The following SDK1 variants were observed in gnomAD, a reference collection of about 807,000 sequenced individuals.
SDK1 encodes protein sidekick-1.
In SDK1, 157 loss-of-function variants were observed where a neutral mutation model predicts 245.5. The ratio of observed to expected loss-of-function variants is 0.64; its 90% CI spans 0.56 to 0.73. The LOEUF is 0.73. Ranked by LOEUF, SDK1 falls within the 30% of genes least tolerant of loss-of-function variation. The probability of loss-of-function intolerance (pLI) is 0.00; values close to 1 mark genes in which losing one functional copy is unlikely to be tolerated. For missense variants in SDK1, 3,583 were observed against 3,002.3 expected (o/e 1.19, Z -4.52); for synonymous variants, 1,647 against 1,278.5 (o/e 1.29, Z -6.15).
chr7:3,837,751 C>T (rs1463622931), intron 5 of SDK1, among the ~76,000 whole-genome samples: 1 of 151,024 alleles, frequency 6.6e-6, no homozygotes, highest in African/African-American at 2.5e-5. Flanking sequence ...ACTGTTGTGA[C>T]TGAGGAAGTG....
intron 35 of SDK1, among the ~76,000 whole-genome samples, chr7:4,198,617 C>A (rs1302244601): frequency 6.6e-6 from 1 of 152,162 alleles, no homozygotes; most frequent in Non-Finnish European, 1.5e-5. Context: ...TGAATAGTTG[C>A]AACAAAGCCC....
intron 1 of SDK1, among the ~76,000 whole-genome samples, chr7:3,489,905 A>C (rs1163612088): frequency 2.0e-5 from 3 of 152,228 alleles, no homozygotes; most frequent in Non-Finnish European, 4.4e-5. Context: ...GAGTCCTGTC[A>C]TGGAGAAATG....
rs10536828 is a variant in SDK1 at position 4,193,372 on chromosome 7, T to TTATA, written c.5099-12484_5099-12481dup. ...AATATATTTATATATATTAAAATATTTATATATATATATATATATATATAT... is the reference window on the plus strand; with the variant it reads ...AATATATTTATATATATTAAAATATTTATATATATATATATATATATATATATAT... On this transcript the variant is annotated intron_variant, in intron 35 of 44. Coordinates refer to ENST00000404826, the MANE Select transcript of SDK1 (RefSeq NM_152744.4). Among the ~76,000 whole-genome samples, 265 of 103,070 alleles carry TTATA rather than the reference T, an allele frequency of 2.6e-3. 1 individual carries two copies. The highest frequency in any genetic ancestry group is 0.013 in the Middle Eastern group (2 of 150). The allele number at this position is 103,070 out of a possible 152,430, so 67.6% of individuals were successfully genotyped here.
At chr7:3,343,646 C>G (rs560831153) in intron 1 of SDK1, among the ~76,000 whole-genome samples, 2 of 152,102 alleles carry the variant, frequency 1.3e-5, no homozygotes, top group African/African-American at 2.4e-5. Context: ...TTGTGGGAAA[C>G]TTGGTCAAGG....
chr7:3,974,282 A>C (rs1268942416), intron 12 of SDK1, 87 bp from the exon 13 acceptor site: 1 of 1,070,326 alleles, frequency 9.3e-7, no homozygotes, highest in Non-Finnish European at 1.4e-6. Flanking sequence ...CAAGATTGTT[A>C]GTTGCTTGCT....
chr7:4,207,071 C>T (rs1032494373), intron 36 of SDK1, among the ~76,000 whole-genome samples: 7 of 152,294 alleles, frequency 4.6e-5, no homozygotes, highest in East Asian at 1.9e-4. Flanking sequence ...CCTGGGCGAG[C>T]GGAAGATCTT....
chr7:3,894,958 G>C (rs1396916700), intron 5 of SDK1, among the ~76,000 whole-genome samples: 1 of 152,044 alleles, frequency 6.6e-6, no homozygotes, highest in Non-Finnish European at 1.5e-5. Context: ...TGGGATTACA[G>C]GTGTGAGCCA....
intron 4 of SDK1, among the ~76,000 whole-genome samples, chr7:3,699,845 CT>C (rs1480725914): frequency 6.6e-6 from 1 of 151,920 alleles, no homozygotes; most frequent in Non-Finnish European, 1.5e-5. Flanking sequence ...AACACATAAC[CT>C]TTCAAGAAGC....
At position 3,454,423 on chromosome 7, in the gene SDK1, T is replaced by TGTGTGTGTGTGTGTGTGTGC. The variant is rs1554273965; in HGVS notation, c.298+152540_298+152541insTGTGTGTGTGTGTGTGTGCG. 6.9e-4 allele frequency among the ~76,000 whole-genome samples: 103 copies of TGTGTGTGTGTGTGTGTGTGC among 150,142 alleles called. 1 individual carries two copies. Among genetic ancestry groups the TGTGTGTGTGTGTGTGTGTGC allele is most frequent in the African/African-American group, 2.3e-3 (94 of 40,292 alleles). ...GTGTGTGTGTGTGTGTGTGTGTGTG[T>TGTGTGTGTGTGTGTGTGTGC]GCTGTGTACATTTAAGTCTATGCAA... On this transcript the variant is annotated intron_variant, in intron 1 of 44. Transcript: ENST00000404826.
chr7:4,173,549 G>A (rs1432421415), intron 32 of SDK1, among the ~76,000 whole-genome samples: 1 of 152,226 alleles, frequency 6.6e-6, no homozygotes, highest in African/African-American at 2.4e-5. Flanking sequence ...TTCCATGGGA[G>A]TCTAATGTGT....
At chr7:3,485,230 G>A (rs889145545) in intron 1 of SDK1, among the ~76,000 whole-genome samples, 1 of 152,154 alleles carries the variant, frequency 6.6e-6, no homozygotes, top group Non-Finnish European at 1.5e-5. Context: ...CTGTGGTTTT[G>A]ATTTGCGTTT....
intron 2 of SDK1, among the ~76,000 whole-genome samples, chr7:3,622,928 C>T (rs954517985): frequency 6.6e-6 from 1 of 151,888 alleles, no homozygotes; most frequent in South Asian, 2.1e-4. Context: ...TAAAACCTGT[C>T]TAAAAATCTC....
chr7:3,969,239 T>C lies in SDK1; in HGVS notation c.1547-18T>C, dbSNP rs759930650. 6 of 1,572,574 alleles carry C rather than the reference T, an allele frequency of 3.8e-6. No homozygotes were observed. In the East Asian group the frequency reaches 1.4e-4, roughly 37 times the overall value. On this transcript the variant is annotated intron_variant, in intron 10 of 44. Transcript: ENST00000404826. ...GCGTTACGACTGTAACATGCCTCTT[T>C]TCTCCACTGTTCTTTAGAAAACCAC...
In SDK1 at chr7:3,693,686, A is replaced by G. The variant is rs16870927; in HGVS notation, c.713+51581A>G. On this transcript the variant is annotated intron_variant, in intron 4 of 44. Coordinates refer to ENST00000404826, the MANE Select transcript of SDK1 (RefSeq NM_152744.4). The stretch of plus-strand genomic sequence containing the variant: ...TTATCTTTCTCTCTTGGAGATCATC[A>G]TCAACTAAGTGCAAGATAGTGACAG... Among the ~76,000 whole-genome samples the G allele has an allele frequency of 1.3e-3, 198 of 152,218 alleles. 5 individuals carry two copies. In the East Asian group the frequency reaches 0.035, roughly 27 times the overall value.
chr7:3,472,192 G>C (rs975567437), intron 1 of SDK1, among the ~76,000 whole-genome samples: 2 of 152,036 alleles, frequency 1.3e-5, no homozygotes, highest in Non-Finnish European at 2.9e-5. Flanking sequence ...ATATTGTTTT[G>C]CATTTCTAGT....
chr7:3,630,337 G>A (rs1782251265), intron 2 of SDK1, among the ~76,000 whole-genome samples: 1 of 152,204 alleles, frequency 6.6e-6, no homozygotes, highest in Non-Finnish European at 1.5e-5. Context: ...CAAGTTACAT[G>A]ATCATTTATG....
intron 32 of SDK1, among the ~76,000 whole-genome samples, chr7:4,173,267 C>G (rs1584364380): frequency 6.6e-6 from 1 of 152,202 alleles, no homozygotes; most frequent in African/African-American, 2.4e-5. Flanking sequence ...GGCTCAGCAC[C>G]CAGATGAGTG....
At chr7:4,192,936 A>G (rs891546120) in intron 35 of SDK1, among the ~76,000 whole-genome samples, 5 of 150,374 alleles carry the variant, frequency 3.3e-5, no homozygotes, top group African/African-American at 9.8e-5. Flanking sequence ...ATATATCCCT[A>G]TAATAACTCT....
At chr7:3,861,763 C>A (rs969220878) in intron 5 of SDK1, among the ~76,000 whole-genome samples, 1 of 152,068 alleles carries the variant, frequency 6.6e-6, no homozygotes, top group African/African-American at 2.4e-5. Context: ...CTTCACATGG[C>A]TTGTGGACTA....
Sources: gnomAD v4.1 joint callset for allele counts (sites outside exome capture counted in the v4.1 genomes callset) on GRCh38, gnomAD v4.1.1 for gene constraint, MANE v1.5 for transcripts, NCBI Gene and HGNC (gene_info 2026-07-23, HGNC 2026-07-21) for gene names.